The following TMBIM1 variants were observed in gnomAD, a reference collection of about 807,000 sequenced individuals.
The protein encoded by TMBIM1 is transmembrane BAX inhibitor motif containing 1.
A neutral mutation model predicts 45.1 loss-of-function variants in TMBIM1; 34 were observed. The observed-to-expected ratio is 0.75, with a 90% CI of 0.57 to 1.00. The LOEUF is 1.00. Ranked by LOEUF, TMBIM1 falls within the 50% of genes least tolerant of loss-of-function variation. TMBIM1 has a pLI of 0.00. For missense variants in TMBIM1, 374 were observed against 402.4 expected, an observed-to-expected ratio of 0.93 and a Z score of 0.60; for synonymous variants, 157 against 153.5, an observed-to-expected ratio of 1.02 and a Z score of -0.17.
In TMBIM1 at chr2:218,278,502, C is replaced by T; in HGVS notation, c.473+13G>A. 6.2e-7 allele frequency: 1 copy of T among 1,613,900 alleles called. No homozygotes were observed. The highest frequency in any genetic ancestry group is 8.5e-7 in the Non-Finnish European group (1 of 1,179,788). On this transcript the variant is annotated intron_variant, in intron 6 of 11. Coordinates refer to ENST00000258412, the MANE Select transcript of TMBIM1 (RefSeq NM_022152.6). The stretch of plus-strand genomic sequence containing the variant: ...TGTCACCCCTCTCACTGTGTTAAGT[C>T]TCTGGGACTCACCTGGGTCCCTGGC...
intron 1 of TMBIM1, 85 bp from the exon 2 acceptor site, chr2:218,282,266 G>A: frequency 1.3e-6 from 1 of 795,434 alleles, no homozygotes; most frequent in South Asian, 2.2e-5. Flanking sequence ...CCTTGTCCAG[G>A]CTGCCTCCGT....
chr2:218,287,680 A>C (rs1387572697), intron 1 of TMBIM1, among the ~76,000 whole-genome samples: 1 of 152,090 alleles, frequency 6.6e-6, no homozygotes, highest in South Asian at 2.1e-4. Context: ...ATTGCACTCC[A>C]GCCTGGGCAA....
rs1385618018 is a variant in TMBIM1 at position 218,274,657 on chromosome 2, T to G, written c.*818A>C. The G allele has an allele frequency of 6.4e-6, 1 of 155,534 alleles. No homozygotes were observed. Among genetic ancestry groups the G allele is most frequent in the Non-Finnish European group, 1.5e-5 (1 of 68,366 alleles). 9.6% of individuals were successfully genotyped at this position (155,534 alleles called of 1,614,324 possible). On this transcript the variant is annotated 3_prime_UTR_variant, in exon 12 of 12. Transcript: ENST00000258412. ...CTGCCCCTTACTTTCTGCTCTGAGC[T>G]GCCTGAATACAGGAAGCAAGAGTTC...
chr2:218,287,734 G>A (rs893698390), intron 1 of TMBIM1, among the ~76,000 whole-genome samples: 1 of 151,708 alleles, frequency 6.6e-6, no homozygotes, highest in Non-Finnish European at 1.5e-5. Context: ...GCCAGCCCTC[G>A]ACTTCTGGCC....
At chr2:218,276,585 C>G (rs530645841) in intron 10 of TMBIM1, among the ~76,000 whole-genome samples, 18 of 152,222 alleles carry the variant, frequency 1.2e-4, no homozygotes, top group Middle Eastern at 3.2e-3. Context: ...CATCCTTCCC[C>G]TTCGGCACTG....
At chr2:218,289,160 G>T (rs73086149) in intron 1 of TMBIM1, among the ~76,000 whole-genome samples, 2,068 of 152,260 alleles carry the variant, frequency 0.014, 49 homozygotes, top group African/African-American at 0.047. Flanking sequence ...CAAAACGATA[G>T]ATAGAAAGGA....
At chr2:218,279,003 C>T in intron 5 of TMBIM1, 35 bp downstream of exon 5, 1 of 1,612,964 alleles carries the variant, frequency 6.2e-7, no homozygotes, top group African/African-American at 1.3e-5. Flanking sequence ...GCCACCCCTG[C>T]CTCCCTGCCC....
At chr2:218,276,899 G>A (rs1691272299) in intron 10 of TMBIM1, 105 bp downstream of exon 10, 8 of 900,548 alleles carry the variant, frequency 8.9e-6, no homozygotes, top group Non-Finnish European at 1.4e-5. Flanking sequence ...GGTTCTGGAG[G>A]TCAGAGCCTG....
At chr2:218,292,272 G>A (rs559947750) in intron 1 of TMBIM1, among the ~76,000 whole-genome samples, 194 bp downstream of exon 1, 1 of 152,336 alleles carries the variant, frequency 6.6e-6, no homozygotes, top group African/African-American at 2.4e-5. Context: ...CCACCCGCGC[G>A]CCCAGGGAGA....
intron 11 of TMBIM1, 105 bp downstream of exon 11, chr2:218,275,921 T>C: frequency 7.6e-7 from 1 of 1,323,944 alleles, no homozygotes; most frequent in Non-Finnish European, 1.1e-6. Flanking sequence ...TGGCCTGCTA[T>C]GGCCCCATTC....
At chr2:218,279,670 G>C (rs1691664359) in intron 3 of TMBIM1, 1 of 487,454 alleles carries the variant, frequency 2.1e-6, no homozygotes, top group Non-Finnish European at 3.7e-6. Context: ...ATGCAGCTGT[G>C]AGATGGAGAG....
In TMBIM1 at chr2:218,274,498, G is replaced by C. The variant is rs764503008; in HGVS notation, c.*977C>G. ...AGGACCCTCCCTGGGTTAGCAGAAG[G>C]AAAGAACCCAGAAGTCTTCAGTACC... On this transcript the variant is annotated 3_prime_UTR_variant, in exon 12 of 12. Transcript: ENST00000258412. 2 of 154,182 alleles carry C rather than the reference G, an allele frequency of 1.3e-5. No homozygotes were observed. Among genetic ancestry groups the C allele is most frequent in the Non-Finnish European group, 2.9e-5 (2 of 68,226 alleles). 9.6% of individuals were successfully genotyped at this position (154,182 alleles called of 1,614,324 possible). A position where few individuals can be genotyped will look rare whatever the true frequency, so the allele number is the denominator to read the frequency against.
chr2:218,279,233 A>G, intron 4 of TMBIM1, 56 bp downstream of exon 4: 1 of 1,555,528 alleles, frequency 6.4e-7, no homozygotes, highest in Non-Finnish European at 8.7e-7. Context: ...CACCCCCAGC[A>G]GGTGACCCTG....
chr2:218,289,794 G>C (rs1279819476), intron 1 of TMBIM1, among the ~76,000 whole-genome samples: 1 of 152,078 alleles, frequency 6.6e-6, no homozygotes, highest in Non-Finnish European at 1.5e-5. Context: ...ATCTTCAGAG[G>C]CAGAAGTACA....
Position 218,286,647 on chromosome 2 carries a change from T to A in TMBIM1, c.-40-4466A>T, listed in dbSNP as rs1228528980. ...ACCTCCTCCCCTGGAGCCCTCTCAG[T>A]GTGGTAATCCTGCTGTCTGCCTACT... On this transcript the variant is annotated intron_variant, in intron 1 of 11. Transcript: ENST00000258412. 2.0e-5 allele frequency: 3 copies of A among 152,290 alleles called. No individual in the cohort carries two copies. In the East Asian group the frequency reaches 5.8e-4, roughly 30 times the overall value. 9.4% of individuals were successfully genotyped at this position (152,290 alleles called of 1,614,324 possible).
At chr2:218,289,416 C>T (rs539410265) in intron 1 of TMBIM1, among the ~76,000 whole-genome samples, 14 of 152,088 alleles carry the variant, frequency 9.2e-5, no homozygotes, top group Admixed American at 8.5e-4. Flanking sequence ...CCGAGCCAGG[C>T]GGATCACTTG....
chr2:218,291,114 G>A (rs1284582508), intron 1 of TMBIM1, among the ~76,000 whole-genome samples: 2 of 152,132 alleles, frequency 1.3e-5, no homozygotes, highest in Non-Finnish European at 2.9e-5. Flanking sequence ...GAGCCCAGGT[G>A]GCTATTACCC....
At chr2:218,287,148 T>C (rs1431540463) in intron 1 of TMBIM1, 1 of 152,182 alleles carries the variant, frequency 6.6e-6, no homozygotes, top group Non-Finnish European at 1.5e-5. Flanking sequence ...ACTAAGAGGA[T>C]GAAGCCACAG....
At chr2:218,281,889 T>C in intron 2 of TMBIM1, 51 bp downstream of exon 2, 3 of 1,474,276 alleles carry the variant, frequency 2.0e-6, no homozygotes, top group Non-Finnish European at 2.8e-6. Context: ...CCTCATCTGC[T>C]CCAAGTGCTG....
Sources: gnomAD v4.1 joint callset for allele counts (sites outside exome capture counted in the v4.1 genomes callset) on GRCh38, gnomAD v4.1.1 for gene constraint, MANE v1.5 for transcripts, NCBI Gene and HGNC (gene_info 2026-07-23, HGNC 2026-07-21) for gene names.